ADAMTS14: variants seen among roughly 807,000 people sequenced by gnomAD.
ADAMTS14 encodes the protein ADAM metallopeptidase with thrombospondin type 1 motif 14, also known as A disintegrin and metalloproteinase with thrombospondin motifs 14.
A neutral mutation model predicts 128.6 loss-of-function variants in ADAMTS14; 100 were observed. The ratio of observed to expected loss-of-function variants is 0.78; its 90% CI spans 0.66 to 0.92. ADAMTS14 has a LOEUF of 0.92. ADAMTS14 is among the 40% of genes least tolerant of loss of function. The probability of loss-of-function intolerance (pLI) is 0.00; values close to 1 mark genes in which losing one functional copy is unlikely to be tolerated. For missense variants in ADAMTS14, 1,562 were observed against 1,658.6 expected (o/e 0.94, Z 1.01); for synonymous variants, 665 against 653.8 (o/e 1.02, Z -0.26).
chr10:70,722,577 G>T (rs1372961322), intron 4 of ADAMTS14, among the ~76,000 whole-genome samples: 1 of 152,172 alleles, frequency 6.6e-6, no homozygotes, highest in Admixed American at 6.5e-5. Context: ...GGCTGACTCT[G>T]GGACTAGGGC....
rs372371243 is a variant in ADAMTS14 at position 70,702,299 on chromosome 10, G to A, written c.523-13G>A. ...ATTTCTCTCTTTCCCGCTGCTTGCC[G>A]TCCCTGGTTCAGGCGGGCCTCATCC... On this transcript the variant is annotated splice_polypyrimidine_tract_variant and intron_variant, in intron 2 of 21. Transcript: ENST00000373207. The A allele has an allele frequency of 1.1e-5, 17 of 1,614,058 alleles. No individual in the cohort carries two copies. The highest frequency in any genetic ancestry group is 3.3e-5 in the Admixed American group (2 of 60,006).
intron 4 of ADAMTS14, among the ~76,000 whole-genome samples, chr10:70,719,157 C>T (rs1327907862): frequency 6.6e-6 from 1 of 152,004 alleles, no homozygotes; most frequent in Non-Finnish European, 1.5e-5. Context: ...TGAGATCATC[C>T]ACATCAAATT....
chr10:70,682,688 G>A (rs1258791929), intron 2 of ADAMTS14, among the ~76,000 whole-genome samples: 1 of 152,190 alleles, frequency 6.6e-6, no homozygotes, highest in Non-Finnish European at 1.5e-5. Flanking sequence ...GGTCTGAGGG[G>A]ATGGTGGCAG....
intron 6 of ADAMTS14, among the ~76,000 whole-genome samples, chr10:70,731,064 C>CCACACACACACACACACACACACA (rs56903140): frequency 8.2e-5 from 12 of 145,776 alleles, no homozygotes; most frequent in African/African-American, 2.5e-4. Context: ...GTTTTACACA[C>CCACACACACACACACACACACACA]CACACACACA....
chr10:70,718,488 A>G (rs898009193), intron 4 of ADAMTS14, among the ~76,000 whole-genome samples: 1 of 151,916 alleles, frequency 6.6e-6, no homozygotes, highest in African/African-American at 2.4e-5. Context: ...CGCAGGTTCA[A>G]GTGATTCTCC....
chr10:70,749,949 G>A lies in ADAMTS14; in HGVS notation c.2391G>A (p.Lys797=), dbSNP rs1489153590. The A allele has an allele frequency of 1.8e-5, 29 of 1,614,134 alleles. No homozygotes were observed. Among genetic ancestry groups the A allele is most frequent in the Non-Finnish European group, 2.3e-5 (27 of 1,180,030 alleles). ...TGGAGGATGCCAAGGAAAGCCTCAA[G>A]ACCAGCGGGCCCCTGCCTGAAGCCA... ...DAVEDAKESL[K]TSGPLPEAIA... The change falls in exon 16 of 22, where the codon AAG becomes AAA. Residue 797 remains lysine, a synonymous_variant. Coordinates refer to ENST00000373207, the MANE Select transcript of ADAMTS14 (RefSeq NM_080722.4).
chr10:70,680,827 A>C (rs1839780172), intron 2 of ADAMTS14, among the ~76,000 whole-genome samples: 1 of 152,188 alleles, frequency 6.6e-6, no homozygotes, highest in Non-Finnish European at 1.5e-5. Context: ...TTTTTAGTAG[A>C]GTCAGAGTTT....
Position 70,699,413 on chromosome 10 carries a change from G to A in ADAMTS14, c.523-2899G>A, listed in dbSNP as rs74936489. On this transcript the variant is annotated intron_variant, in intron 2 of 21. Transcript: ENST00000373207. ...TAAAGGATGGAAAGTAGGGAAGTGT[G>A]TTCATGCTGAATACAATGTTAGGAG... Among the ~76,000 whole-genome samples, 378 of 152,300 alleles carry A rather than the reference G, an allele frequency of 2.5e-3. 1 individual carries two copies. Among genetic ancestry groups the A allele is most frequent in the African/African-American group, 8.5e-3 (355 of 41,554 alleles).
At chr10:70,673,417 T>C (rs1839545466) in intron 1 of ADAMTS14, among the ~76,000 whole-genome samples, 1 of 151,792 alleles carries the variant, frequency 6.6e-6, no homozygotes, top group Non-Finnish European at 1.5e-5. Context: ...TGTCAAACGC[T>C]GTGGACACAG....
chr10:70,692,731 C>T (rs1840226987), intron 2 of ADAMTS14, among the ~76,000 whole-genome samples: 1 of 152,186 alleles, frequency 6.6e-6, no homozygotes, highest in Admixed American at 6.5e-5. Flanking sequence ...ATGTTTCTGC[C>T]CAGCTGTTTG....
intron 2 of ADAMTS14, among the ~76,000 whole-genome samples, chr10:70,700,246 A>G (rs1020307521): frequency 2.8e-4 from 42 of 151,998 alleles, no homozygotes; most frequent in Non-Finnish European, 8.8e-5. Flanking sequence ...TCTGTCCCTG[A>G]GCCTGAATGT....
chr10:70,694,858 G>T (rs1283717990), intron 2 of ADAMTS14, among the ~76,000 whole-genome samples: 2 of 152,152 alleles, frequency 1.3e-5, no homozygotes, highest in African/African-American at 4.8e-5. Flanking sequence ...TCTTTGCGTG[G>T]ACATATGTTT....
rs568340187 is a variant in ADAMTS14 at position 70,700,790 on chromosome 10, C to T, written c.523-1522C>T. Among the ~76,000 whole-genome samples the T allele has an allele frequency of 2.0e-5, 3 of 152,324 alleles. No individual in the cohort carries two copies. The South Asian group carries it at 6.2e-4, about 32-fold the overall frequency. The stretch of plus-strand genomic sequence containing the variant: ...CACCGGGCAGGACGTTGGCAGCCCT[C>T]GGCTCTTGGGCCTATTTTTTCCATT... On this transcript the variant is annotated intron_variant, in intron 2 of 21. Transcript: ENST00000373207.
intron 4 of ADAMTS14, among the ~76,000 whole-genome samples, chr10:70,726,387 G>A (rs888568831): frequency 4.6e-5 from 7 of 152,384 alleles, no homozygotes; most frequent in East Asian, 3.9e-4. Flanking sequence ...AGAAAGACAC[G>A]TGGAGGAAGG....
intron 4 of ADAMTS14, among the ~76,000 whole-genome samples, chr10:70,728,360 C>T (rs1017607578): frequency 6.6e-6 from 1 of 152,152 alleles, no homozygotes; most frequent in African/African-American, 2.4e-5. Context: ...ATAGTAGTGT[C>T]GGTGATTTCA....
At chr10:70,743,804 C>T in intron 13 of ADAMTS14, 123 bp downstream of exon 13, 3 of 1,368,162 alleles carry the variant, frequency 2.2e-6, no homozygotes, top group East Asian at 2.6e-5. Context: ...CCTGTTGGTC[C>T]TCAGCATAGC....
intron 3 of ADAMTS14, 117 bp from the exon 4 acceptor site, chr10:70,708,471 C>A: frequency 1.1e-6 from 1 of 887,106 alleles, no homozygotes; most frequent in Non-Finnish European, 1.7e-6. Flanking sequence ...TACTACTTTA[C>A]TTACAGAGGC....
chr10:70,702,586 G>A (rs1012586639), intron 3 of ADAMTS14, 118 bp downstream of exon 3: 1 of 1,333,060 alleles, frequency 7.5e-7, no homozygotes, highest in African/African-American at 1.5e-5. Context: ...TGTAAAATGG[G>A]ACTGGGCCAC....
Position 70,745,265 on chromosome 10 carries a change from A to G in ADAMTS14, c.2222A>G (p.His741Arg), listed in dbSNP as rs1017281972. Residue 741 changes from histidine to arginine, a missense_variant, in exon 15 of 22, where the codon CAC becomes CGC. Coordinates refer to ENST00000373207, the MANE Select transcript of ADAMTS14 (RefSeq NM_080722.4). ...GTGCAGATCCCAGCAGGTGCCAGGC[A>G]CATCCAGATTGAGGCACTGGAGAAG... ...KLVQIPAGAR[H>R]IQIEALEKSP... is the part of the protein sequence containing the mutation. The G allele has an allele frequency of 1.2e-6, 2 of 1,612,542 alleles. No homozygotes were observed. Among genetic ancestry groups the G allele is most frequent in the African/African-American group, 2.7e-5 (2 of 74,876 alleles).
Sources: allele counts gnomAD v4.1 joint callset (sites outside exome capture counted in the v4.1 genomes callset), GRCh38; gene constraint gnomAD v4.1.1; transcripts MANE v1.5; gene names NCBI Gene and HGNC (gene_info 2026-07-23, HGNC 2026-07-21).